Variants in PDIA4 observed in about 807,000 individuals in gnomAD.
The protein encoded by PDIA4 is protein disulfide-isomerase A4.
In PDIA4, 33 loss-of-function variants were observed where a neutral mutation model predicts 62.1. The observed-to-expected ratio is 0.53, with a 90% confidence interval of 0.40 to 0.71. The LOEUF (loss-of-function observed/expected upper bound fraction) is 0.71, where lower values mean the gene tolerates loss of function less well. PDIA4 is among the 30% of genes least tolerant of loss of function. The pLI is 0.00. For synonymous variants in PDIA4, 341 were observed against 324.1 expected (o/e 1.05, Z -0.56); for missense variants, 804 against 813.6 (o/e 0.99, Z 0.14).
intron 7 of PDIA4, 97 bp downstream of exon 7, chr7:149,008,062 G>T: frequency 8.3e-7 from 1 of 1,207,158 alleles, no homozygotes; most frequent in Non-Finnish European, 1.2e-6. Flanking sequence ...GCAGACAAGA[G>T]CGAAACCTCC....
intron 2 of PDIA4, among the ~76,000 whole-genome samples, 192 bp downstream of exon 2, chr7:149,020,775 A>C (rs1361091730): frequency 6.6e-6 from 1 of 152,210 alleles, no homozygotes; most frequent in Admixed American, 6.5e-5. Context: ...GCCTTCCATG[A>C]GGGCTGGCTC....
At chr7:149,020,828 G>C (rs1824319321) in intron 2 of PDIA4, 139 bp downstream of exon 2, 3 of 1,360,940 alleles carry the variant, frequency 2.2e-6, no homozygotes, top group Non-Finnish European at 2.9e-6. Flanking sequence ...TGAGCTCCCA[G>C]CGTTCTTAAA....
In PDIA4 at chr7:149,026,725, G is replaced by C. The variant is rs551258054; in HGVS notation, c.88+1596C>G. ...GAGGCAGGAGGATCCCATGAGCCCAGGAGTTTGAGGCTTAAGTAAGCCATG... is the reference window on the plus strand; with the variant it reads ...GAGGCAGGAGGATCCCATGAGCCCACGAGTTTGAGGCTTAAGTAAGCCATG... On this transcript the variant is annotated intron_variant, in intron 1 of 9. Transcript: ENST00000652332. 1.3e-3 allele frequency among the ~76,000 whole-genome samples: 189 copies of C among 151,120 alleles called. 1 individual carries two copies. Among genetic ancestry groups the C allele is most frequent in the Middle Eastern group, 6.9e-3 (2 of 288 alleles).
At chr7:149,022,258 C>A (rs1000630357) in intron 1 of PDIA4, among the ~76,000 whole-genome samples, 1 of 150,356 alleles carries the variant, frequency 6.7e-6, no homozygotes, top group Non-Finnish European at 1.5e-5. Context: ...AAAGGCACCC[C>A]TGAGTAATTT....
chr7:149,021,420 C>T lies in PDIA4; in HGVS notation c.89-273G>A, dbSNP rs1437968254. 1.1e-4 allele frequency among the ~76,000 whole-genome samples: 15 copies of T among 132,742 alleles called. 1 individual carries two copies. In the Admixed American group the frequency reaches 1.2e-3, roughly 11 times the overall value. 87.1% of individuals were successfully genotyped at this position (132,742 alleles called of 152,430 possible). ...AGAAGAATCGCTTGAACCTGGGAGG[C>T]GGAGGTTACAGTGAGCCGAGATCGC... On this transcript the variant is annotated intron_variant, in intron 1 of 9. Transcript: ENST00000652332.
intron 6 of PDIA4, among the ~76,000 whole-genome samples, chr7:149,010,070 C>T (rs1823893985): frequency 6.6e-6 from 1 of 152,130 alleles, no homozygotes; most frequent in Non-Finnish European, 1.5e-5. Flanking sequence ...AAGCCTGTGG[C>T]TTTCAGAGTC....
intron 6 of PDIA4, 80 bp from the exon 7 acceptor site, chr7:149,008,390 A>G (rs1421259882): frequency 3.3e-5 from 48 of 1,446,144 alleles, no homozygotes; most frequent in Non-Finnish European, 5.7e-6. Context: ...ACATCAGCCA[A>G]AGCAAATGTT....
chr7:149,017,447 GGTGGT>G lies in PDIA4; in HGVS notation c.475+1540_475+1544del, dbSNP rs1424620321. 2.0e-5 allele frequency among the ~76,000 whole-genome samples: 3 copies of G among 152,108 alleles called. No individual in the cohort carries two copies. The East Asian group carries it at 5.8e-4, about 29-fold the overall frequency. On this transcript the variant is annotated intron_variant, in intron 3 of 9. Transcript: ENST00000652332. ...GAAAATACAAAAATTAGCCGGGCGT[GGTGGT>G]GTGTCCCTGTAATCACAGCTACTCT...
chr7:149,014,871 A>C (rs1477924716), intron 4 of PDIA4, 33 bp downstream of exon 4: 2 of 1,609,224 alleles, frequency 1.2e-6, no homozygotes, highest in Non-Finnish European at 1.7e-6. Flanking sequence ...CCACCAGGGT[A>C]CTGAATATGG....
intron 6 of PDIA4, among the ~76,000 whole-genome samples, chr7:149,009,562 G>C (rs913852264): frequency 2.0e-5 from 3 of 152,210 alleles, no homozygotes; most frequent in Admixed American, 1.3e-4. Context: ...TTTGGCTAAA[G>C]ATACTTTTAC....
At chr7:149,012,560 C>T (rs906590290) in intron 4 of PDIA4, among the ~76,000 whole-genome samples, 200 bp from the exon 5 acceptor site, 1 of 152,188 alleles carries the variant, frequency 6.6e-6, no homozygotes, top group Admixed American at 6.5e-5. Context: ...CATCCCACAG[C>T]ATTCACACAC....
intron 6 of PDIA4, 27 bp downstream of exon 6, chr7:149,011,819 T>C: frequency 6.6e-7 from 1 of 1,510,844 alleles, no homozygotes; most frequent in Non-Finnish European, 8.9e-7. Context: ...ACGCACATTT[T>C]GTTCAGCCCA....
chr7:149,004,212 G>A lies in PDIA4; in HGVS notation c.1523-3C>T. ...TTTGATGACTGGCTTCAGTTTTCCT[G>A]CCAAGGAAAGCAAGGCGGGAGGGGG... On this transcript the variant is annotated splice_region_variant and splice_polypyrimidine_tract_variant and intron_variant, in intron 9 of 9. Transcript: ENST00000652332. The A allele has an allele frequency of 1.2e-6, 2 of 1,609,416 alleles. No homozygotes were observed. The highest frequency in any genetic ancestry group is 1.7e-6 in the Non-Finnish European group (2 of 1,176,910).
chr7:149,015,223 G>C (rs1445710469), intron 3 of PDIA4, among the ~76,000 whole-genome samples, 181 bp from the exon 4 acceptor site: 2 of 152,114 alleles, frequency 1.3e-5, no homozygotes, highest in African/African-American at 4.8e-5. Context: ...CCAAGAGTCA[G>C]AAGGTTCGCT....
chr7:149,011,630 G>A (rs1429414052), intron 6 of PDIA4, among the ~76,000 whole-genome samples: 2 of 152,270 alleles, frequency 1.3e-5, no homozygotes, highest in South Asian at 4.1e-4. Flanking sequence ...GGACCGGTCT[G>A]ACTGTGCCCC....
At chr7:149,026,896 C>T (rs941236162) in intron 1 of PDIA4, among the ~76,000 whole-genome samples, 2 of 151,868 alleles carry the variant, frequency 1.3e-5, no homozygotes, top group East Asian at 1.9e-4. Flanking sequence ...GGAGCAACTG[C>T]TTCCCAGGGA....
intron 4 of PDIA4, among the ~76,000 whole-genome samples, chr7:149,013,425 T>C (rs1220789092): frequency 6.6e-6 from 1 of 152,012 alleles, no homozygotes; most frequent in Admixed American, 6.6e-5. Flanking sequence ...TCCTGTAATA[T>C]CAGTGCTTCC....
rs138906168 is a variant in PDIA4 at position 149,025,786 on chromosome 7, G to C, written c.88+2535C>G. Among the ~76,000 whole-genome samples the C allele has an allele frequency of 9.2e-5, 14 of 152,316 alleles. No individual in the cohort carries two copies. The East Asian group carries it at 2.5e-3, about 27-fold the overall frequency. ...AATAATTATGTCTCAGGAATGAAAA[G>C]AGGAGGAGAGTTTAACAGTTCCTTA... On this transcript the variant is annotated intron_variant, in intron 1 of 9. Coordinates refer to ENST00000652332, the MANE Select transcript of PDIA4 (RefSeq NM_004911.5).
intron 1 of PDIA4, among the ~76,000 whole-genome samples, chr7:149,025,393 C>T (rs1375448995): frequency 6.6e-6 from 1 of 152,164 alleles, no homozygotes; most frequent in Non-Finnish European, 1.5e-5. Context: ...GTGCCTGAAA[C>T]AGCTGCATAA....
Sources: allele counts gnomAD v4.1 joint callset (sites outside exome capture counted in the v4.1 genomes callset), GRCh38; gene constraint gnomAD v4.1.1; transcripts MANE v1.5; gene names NCBI Gene and HGNC (gene_info 2026-07-23, HGNC 2026-07-21).